GABRG3: variants seen among roughly 807,000 people sequenced by gnomAD.
GABRG3 encodes gamma-aminobutyric acid type A receptor subunit gamma3.
GABRG3 carries 25 observed loss-of-function variants against 48.8 expected under a neutral mutation model. That is an observed-to-expected ratio of 0.51 (90% CI 0.37 to 0.72). The LOEUF (loss-of-function observed/expected upper bound fraction) is 0.72, where lower values mean the gene tolerates loss of function less well. Among genes scored for constraint, GABRG3 ranks in the 30% least tolerant of loss-of-function variants. The probability of loss-of-function intolerance (pLI) is 0.00; values close to 1 mark genes in which losing one functional copy is unlikely to be tolerated. For synonymous variants in GABRG3, 227 were observed against 217.6 expected, an observed-to-expected ratio of 1.04 and a Z score of -0.38; for missense variants, 394 against 577.9, an observed-to-expected ratio of 0.68 and a Z score of 3.26.
At position 27,447,298 on chromosome 15, in the gene GABRG3, A is replaced by G. The variant is rs1223455038; in HGVS notation, c.575-33352A>G. ...TAACCTGCAGCACCCCAGGGAAAGGAGTCGAGCATGGCTGAGACTGGGCAT... is the reference window on the plus strand; with the variant it reads ...TAACCTGCAGCACCCCAGGGAAAGGGGTCGAGCATGGCTGAGACTGGGCAT... On this transcript the variant is annotated intron_variant, in intron 5 of 9. Transcript: ENST00000615808. This position sits in a 1 kb window ranked among gnomAD's most constrained non-coding sequence, Gnocchi z 4.0. Among the ~76,000 whole-genome samples the G allele has an allele frequency of 6.6e-6, 1 of 152,196 alleles. No homozygotes were observed. Among genetic ancestry groups the G allele is most frequent in the Non-Finnish European group, 1.5e-5 (1 of 68,022 alleles).
intron 5 of GABRG3, among the ~76,000 whole-genome samples, chr15:27,473,291 A>G (rs914972897): frequency 6.6e-5 from 10 of 152,112 alleles, no homozygotes; most frequent in Non-Finnish European, 1.5e-4. Context: ...TGTTTCTTCT[A>G]TAGGACCCAA....
rs1169973611 is a variant in GABRG3 at position 27,313,240 on chromosome 15, A to ATGTGTGTG, written c.271-13553_271-13546dup. Among the ~76,000 whole-genome samples the ATGTGTGTG allele has an allele frequency of 7.4e-4, 42 of 56,878 alleles. 1 individual carries two copies. The highest frequency in any genetic ancestry group is 1.3e-3 in the African/African-American group (19 of 14,994). The allele number at this position is 56,878 out of a possible 152,430, so 37.3% of individuals were successfully genotyped here. ...TGTATATATATACGTATATGTATAT[A>ATGTGTGTG]TGTGTGTGTGTGTGTGTGTGTGTAT... On this transcript the variant is annotated intron_variant, in intron 3 of 9. Transcript: ENST00000615808.
chr15:27,353,065 C>T (rs552204651), intron 5 of GABRG3, among the ~76,000 whole-genome samples: 73 of 152,250 alleles, frequency 4.8e-4, no homozygotes, highest in South Asian at 3.7e-3. Flanking sequence ...CTTTGCAGAC[C>T]TGAGAATTGT....
At chr15:27,103,840 G>C (rs143168051) in intron 3 of GABRG3, among the ~76,000 whole-genome samples, 268 of 152,248 alleles carry the variant, frequency 1.8e-3, no homozygotes, top group African/African-American at 6.0e-3. Context: ...TCCACCCACA[G>C]TTTTCTAGCT....
intron 3 of GABRG3, among the ~76,000 whole-genome samples, chr15:27,277,428 T>C (rs1891293178): frequency 6.6e-6 from 1 of 152,244 alleles, no homozygotes; most frequent in Admixed American, 6.5e-5. Context: ...GTTTATATTG[T>C]TTAATTATGA....
In GABRG3 at chr15:27,265,882, G is replaced by GTTTTT. The variant is rs57522857; in HGVS notation, c.271-60916_271-60912dup. Among the ~76,000 whole-genome samples, 79 of 127,592 alleles carry GTTTTT rather than the reference G, an allele frequency of 6.2e-4. 6 individuals are homozygous for GTTTTT. The East Asian group carries it at 0.012, about 19-fold the overall frequency. The allele number at this position is 127,592 out of a possible 152,430, so 83.7% of individuals were successfully genotyped here. ...GCAAGGTCAAGAAGATTTTCTCCTG[G>GTTTTT]TTTTTTTTTTTTTTTGAGAGTGACC... On this transcript the variant is annotated intron_variant, in intron 3 of 9. Transcript: ENST00000615808.
chr15:27,283,469 TG>T (rs1286924226), intron 3 of GABRG3, among the ~76,000 whole-genome samples: 2 of 152,102 alleles, frequency 1.3e-5, no homozygotes, highest in Non-Finnish European at 2.9e-5. Context: ...CCAGGCTTGA[TG>T]GTGTGTGCTT....
At chr15:27,039,868 G>A (rs1896244648) in intron 3 of GABRG3, among the ~76,000 whole-genome samples, 1 of 152,158 alleles carries the variant, frequency 6.6e-6, no homozygotes, top group Non-Finnish European at 1.5e-5. Flanking sequence ...ATTGCCCCTG[G>A]AATCTTACTA....
intron 4 of GABRG3, among the ~76,000 whole-genome samples, chr15:27,328,181 G>C (rs527292695): frequency 6.6e-6 from 1 of 151,000 alleles, no homozygotes; most frequent in Non-Finnish European, 1.5e-5. Context: ...AAAACATTGC[G>C]AGCTGGAGTT....
At chr15:27,164,334 C>G (rs145065269) in intron 3 of GABRG3, among the ~76,000 whole-genome samples, 1 of 152,138 alleles carries the variant, frequency 6.6e-6, no homozygotes, top group African/African-American at 2.4e-5. Context: ...AACATTCCCC[C>G]GCATACTCAC....
chr15:27,383,353 T>C (rs1219484319), intron 5 of GABRG3, among the ~76,000 whole-genome samples: 1 of 152,234 alleles, frequency 6.6e-6, no homozygotes, highest in African/African-American at 2.4e-5. Flanking sequence ...AAATAGGCTA[T>C]GCTTATTTTT....
chr15:27,532,940 C>A lies in GABRG3; in HGVS notation c.*59C>A. 6.5e-7 allele frequency: 1 copy of A among 1,546,410 alleles called. No individual in the cohort carries two copies. Among genetic ancestry groups the A allele is most frequent in the East Asian group, 2.3e-5 (1 of 44,426 alleles). ...GTACACACTTGACCTTCTGTCGTCC[C>A]CAGACCAGTAGTGACCAATCGGGAG... On this transcript the variant is annotated 3_prime_UTR_variant, in exon 10 of 10. Coordinates refer to ENST00000615808, the MANE Select transcript of GABRG3 (RefSeq NM_033223.5).
chr15:27,185,902 C>T (rs1251104603), intron 3 of GABRG3, among the ~76,000 whole-genome samples: 2 of 151,888 alleles, frequency 1.3e-5, no homozygotes, highest in Non-Finnish European at 2.9e-5. Flanking sequence ...TTACTTTCAA[C>T]CTACTTACAC....
At chr15:27,222,872 C>T (rs898427219) in intron 3 of GABRG3, among the ~76,000 whole-genome samples, 1 of 152,212 alleles carries the variant, frequency 6.6e-6, no homozygotes, top group South Asian at 2.1e-4. Flanking sequence ...AGTGGCCATG[C>T]CTTAATTCTC....
intron 3 of GABRG3, among the ~76,000 whole-genome samples, chr15:27,189,540 G>T (rs1445869873): frequency 6.6e-6 from 1 of 151,618 alleles, no homozygotes; most frequent in African/African-American, 2.4e-5. Flanking sequence ...GTCTGTTATT[G>T]GTGTATAAGA....
chr15:27,104,093 G>A (rs1897407718), intron 3 of GABRG3, among the ~76,000 whole-genome samples: 1 of 152,198 alleles, frequency 6.6e-6, no homozygotes, highest in African/African-American at 2.4e-5. Flanking sequence ...TGTTTATCGA[G>A]GTTATAGAAA....
At chr15:27,528,886 A>G (rs1023307929) in intron 9 of GABRG3, among the ~76,000 whole-genome samples, 7 of 152,102 alleles carry the variant, frequency 4.6e-5, no homozygotes, top group African/African-American at 1.7e-4. Context: ...GGATATATTC[A>G]TGATATTAAT....
chr15:27,368,462 T>A (rs555346353), intron 5 of GABRG3, among the ~76,000 whole-genome samples: 47 of 152,340 alleles, frequency 3.1e-4, no homozygotes, highest in African/African-American at 1.0e-3. Flanking sequence ...CAATTACATT[T>A]CTGTAAAGTT....
intron 3 of GABRG3, among the ~76,000 whole-genome samples, chr15:27,153,767 C>A (rs1898366891): frequency 6.6e-6 from 1 of 151,772 alleles, no homozygotes; most frequent in Admixed American, 6.6e-5. Flanking sequence ...CTTATGTTAC[C>A]CATCTGTTCT....
Sources: allele counts gnomAD v4.1 joint callset (sites outside exome capture counted in the v4.1 genomes callset), GRCh38; gene constraint gnomAD v4.1.1; non-coding constraint Gnocchi (gnomAD v3.1); transcripts MANE v1.5; gene names NCBI Gene and HGNC (gene_info 2026-07-23, HGNC 2026-07-21).